PDE1C: variants seen among roughly 807,000 people sequenced by gnomAD.
The protein encoded by PDE1C is dual specificity calcium/calmodulin-dependent 3',5'-cyclic nucleotide phosphodiesterase 1C.
PDE1C carries 62 observed loss-of-function variants against 93.1 expected under a neutral mutation model. The observed-to-expected ratio is 0.67, with a 90% confidence interval of 0.54 to 0.82. The LOEUF is 0.82. Among genes scored for constraint, PDE1C ranks in the 40% least tolerant of loss-of-function variants. PDE1C has a pLI of 0.00. For missense variants in PDE1C, 742 were observed against 884.6 expected, an observed-to-expected ratio of 0.84 and a Z score of 2.04; for synonymous variants, 325 against 310.1, an observed-to-expected ratio of 1.05 and a Z score of -0.50.
intron 1 of PDE1C, among the ~76,000 whole-genome samples, chr7:32,288,188 T>C (rs547659363): frequency 2.0e-5 from 3 of 152,330 alleles, no homozygotes; most frequent in Admixed American, 2.0e-4. Context: ...ATTGGAGTCA[T>C]GGTTCTGAAA....
the PDE1C span, among the ~76,000 whole-genome samples, chr7:31,660,388 A>G: frequency 6.6e-6 from 1 of 152,212 alleles, no homozygotes; most frequent in East Asian, 1.9e-4. Context: ...ATGGTCTACT[A>G]TATCACATAA....
At chr7:32,016,028 T>C (rs750612394) in intron 2 of PDE1C, among the ~76,000 whole-genome samples, 1 of 152,212 alleles carries the variant, frequency 6.6e-6, no homozygotes, top group East Asian at 1.9e-4. Context: ...ACTATTGTTA[T>C]GGCAACACCC....
At chr7:31,820,091 A>G (rs1246197823) in intron 14 of PDE1C, among the ~76,000 whole-genome samples, 1 of 152,140 alleles carries the variant, frequency 6.6e-6, no homozygotes, top group African/African-American at 2.4e-5. Flanking sequence ...TATGTAAACG[A>G]ATCATATACT....
intron 3 of PDE1C, among the ~76,000 whole-genome samples, chr7:32,157,322 A>C (rs896758709): frequency 6.6e-6 from 1 of 152,208 alleles, no homozygotes; most frequent in African/African-American, 2.4e-5. Flanking sequence ...TTTCAAAATA[A>C]CTAGAGGAGA....
chr7:32,400,148 A>G (rs1784916226), intron 1 of PDE1C, among the ~76,000 whole-genome samples: 1 of 152,176 alleles, frequency 6.6e-6, no homozygotes. Context: ...CTGTATTCAC[A>G]CCGTATTATT....
chr7:31,855,217 G>A (rs1793862699), intron 7 of PDE1C, among the ~76,000 whole-genome samples: 1 of 152,080 alleles, frequency 6.6e-6, no homozygotes, highest in African/African-American at 2.4e-5. Context: ...TGGCTCTGGG[G>A]GAAAATCTGC....
intron 2 of PDE1C, among the ~76,000 whole-genome samples, chr7:32,190,450 T>C (rs549440501): frequency 2.0e-5 from 3 of 152,216 alleles, no homozygotes; most frequent in Non-Finnish European, 4.4e-5. Context: ...GAGTTGGTGC[T>C]CCATAAGTAT....
rs1038152916 is a variant in PDE1C, at chr7:32,339,332, C to T, written c.310+88490G>A. Among the ~76,000 whole-genome samples the T allele has an allele frequency of 2.6e-5, 4 of 152,042 alleles. No individual in the cohort carries two copies. The South Asian group carries it at 6.2e-4, about 24-fold the overall frequency. On this transcript the variant is annotated intron_variant, in intron 1 of 1. Coordinates refer to the PDE1C transcript ENST00000672256. ...AATTCATAGAAACCAAAAGTAGAAT[C>T]GTGGTTACCAGGGACAGGGAGACAG...
chr7:32,003,408 T>A (rs1306995508), intron 2 of PDE1C, among the ~76,000 whole-genome samples: 1 of 152,236 alleles, frequency 6.6e-6, no homozygotes, highest in Non-Finnish European at 1.5e-5. Context: ...TTATTCTGTT[T>A]CTGTATAGTG....
chr7:31,673,100 T>G, the PDE1C span, among the ~76,000 whole-genome samples: 2 of 152,110 alleles, frequency 1.3e-5, no homozygotes, highest in Non-Finnish European at 2.9e-5. Flanking sequence ...CTTCCTAAAT[T>G]ATCCAGTCTC....
chr7:31,661,629 C>T, the PDE1C span, among the ~76,000 whole-genome samples: 2 of 152,128 alleles, frequency 1.3e-5, no homozygotes, highest in Admixed American at 6.5e-5. Flanking sequence ...AGGAGAATCG[C>T]TTGAACCCAC....
chr7:32,217,133 G>A (rs1806493436), intron 1 of PDE1C, among the ~76,000 whole-genome samples: 2 of 152,208 alleles, frequency 1.3e-5, no homozygotes, highest in African/African-American at 2.4e-5. Context: ...GAGCCCCAAG[G>A]TGTCTCCCTA....
At chr7:32,242,472 T>C (rs1348029587) in intron 1 of PDE1C, among the ~76,000 whole-genome samples, 2 of 152,184 alleles carry the variant, frequency 1.3e-5, no homozygotes, top group African/African-American at 4.8e-5. Flanking sequence ...GGCAAGATCA[T>C]TCGAGGTGAG....
the PDE1C span, among the ~76,000 whole-genome samples, chr7:31,679,120 G>A: frequency 1.5e-4 from 23 of 152,222 alleles, no homozygotes; most frequent in Non-Finnish European, 3.1e-4. Context: ...CTCTAACCTC[G>A]TTTTCCGACC....
intron 7 of PDE1C, among the ~76,000 whole-genome samples, chr7:31,853,799 C>T (rs1793650073): frequency 6.6e-6 from 1 of 151,732 alleles, no homozygotes; most frequent in African/African-American, 2.4e-5. Context: ...AACCTCTGCC[C>T]CCAGGGCTCA....
intron 2 of PDE1C, among the ~76,000 whole-genome samples, chr7:32,190,006 C>A (rs192071366): frequency 9.2e-5 from 14 of 152,346 alleles, no homozygotes; most frequent in Non-Finnish European, 1.6e-4. Context: ...TCAGCCTTGT[C>A]TTTCTTCCAC....
At chr7:32,233,474 G>A (rs1164196629) in intron 1 of PDE1C, among the ~76,000 whole-genome samples, 1 of 152,042 alleles carries the variant, frequency 6.6e-6, no homozygotes, top group Admixed American at 6.6e-5. Flanking sequence ...AAATTTAAAA[G>A]TAAATGGATA....
At chr7:31,664,630 G>T in the PDE1C span, among the ~76,000 whole-genome samples, 1 of 152,202 alleles carries the variant, frequency 6.6e-6, no homozygotes, top group African/African-American at 2.4e-5. Context: ...ATCTGAGATG[G>T]CTTGAAGGAA....
chr7:32,390,185 C>T (rs1472076738), intron 1 of PDE1C, among the ~76,000 whole-genome samples: 2 of 151,954 alleles, frequency 1.3e-5, no homozygotes, highest in Non-Finnish European at 2.9e-5. Flanking sequence ...AGGCTATACA[C>T]ACATATACAG....
Sources: gnomAD v4.1 joint callset for allele counts (sites outside exome capture counted in the v4.1 genomes callset) on GRCh38, gnomAD v4.1.1 for gene constraint, MANE v1.5 for transcripts, NCBI Gene and HGNC (gene_info 2026-07-23, HGNC 2026-07-21) for gene names.